PKIG: variants seen among roughly 807,000 people sequenced by gnomAD.
PKIG encodes the protein cAMP-dependent protein kinase inhibitor gamma.
Under a neutral mutation model 6.8 loss-of-function variants are expected in PKIG, and 1 was observed. That is an observed-to-expected ratio of 0.15 (90% confidence interval 0.05 to 0.69). The LOEUF (loss-of-function observed/expected upper bound fraction) is 0.69. Ranked by LOEUF, PKIG falls within the 30% of genes least tolerant of loss-of-function variation. The pLI, the probability that PKIG is intolerant of heterozygous loss-of-function variation, is 0.82. For synonymous variants in PKIG, 39 were observed against 43.0 expected (o/e 0.91, Z 0.36); for missense variants, 77 against 104.0 (o/e 0.74, Z 1.13).
intron 1 of PKIG, among the ~76,000 whole-genome samples, chr20:44,583,462 C>T (rs1299785142): frequency 6.6e-6 from 1 of 151,710 alleles, no homozygotes; most frequent in Non-Finnish European, 1.5e-5. Flanking sequence ...AAGAGGGGGC[C>T]CTTGCTGTAC....
At chr20:44,568,495 C>T (rs1362888642) in intron 1 of PKIG, among the ~76,000 whole-genome samples, 2 of 151,290 alleles carry the variant, frequency 1.3e-5, no homozygotes, top group Non-Finnish European at 2.9e-5. Flanking sequence ...GAGACAAAGT[C>T]TTACTCTGTC....
At chr20:44,536,397 G>T (rs945783433) in intron 1 of PKIG, among the ~76,000 whole-genome samples, 5 of 152,124 alleles carry the variant, frequency 3.3e-5, no homozygotes, top group African/African-American at 1.2e-4. Context: ...AAATGAGGAA[G>T]TATCTTCTTT....
At chr20:44,556,332 C>T (rs1355160336) in intron 1 of PKIG, among the ~76,000 whole-genome samples, 1 of 152,112 alleles carries the variant, frequency 6.6e-6, no homozygotes, top group African/African-American at 2.4e-5. Context: ...ATAATAGTGT[C>T]TTTTGGCTAA....
intron 1 of PKIG, among the ~76,000 whole-genome samples, chr20:44,557,352 C>G (rs2064721675): frequency 6.6e-6 from 1 of 151,900 alleles, no homozygotes. Flanking sequence ...CGTGGTGGAA[C>G]CTCGTCTCCA....
At chr20:44,587,389 C>G (rs2064998709) in intron 1 of PKIG, among the ~76,000 whole-genome samples, 1 of 152,116 alleles carries the variant, frequency 6.6e-6, no homozygotes, top group Non-Finnish European at 1.5e-5. Context: ...GAGAGCTGCC[C>G]CTGCTGAAGC....
chr20:44,576,273 T>C (rs1220852033), intron 1 of PKIG, among the ~76,000 whole-genome samples: 2 of 151,842 alleles, frequency 1.3e-5, no homozygotes, highest in Non-Finnish European at 2.9e-5. Flanking sequence ...ATGTATTCAG[T>C]GAACCAAGGA....
rs1007771003 is a variant in PKIG at position 44,544,986 on chromosome 20, A to T, written c.-241+13008A>T. ...AATCTTGCTCTGTGGCCTGAGCTGGAGTACGGTGGCACAATCTTGGTTCAC... is the reference window on the plus strand; with the variant it reads ...AATCTTGCTCTGTGGCCTGAGCTGGTGTACGGTGGCACAATCTTGGTTCAC... On this transcript the variant is annotated intron_variant, in intron 1 of 4. Transcript: ENST00000372887. Among the ~76,000 whole-genome samples the T allele has an allele frequency of 1.2e-4, 14 of 115,900 alleles. No homozygotes were observed. In the Admixed American group the frequency reaches 1.5e-3, roughly 13 times the overall value. The allele number at this position is 115,900 out of a possible 152,430, so 76.0% of individuals were successfully genotyped here. A position where few individuals can be genotyped will look rare whatever the true frequency, so the allele number is the denominator to read the frequency against.
intron 2 of PKIG, among the ~76,000 whole-genome samples, chr20:44,593,364 A>AACAC (rs55947972): frequency 0.014 from 1,809 of 132,518 alleles, 23 homozygotes; most frequent in Non-Finnish European, 0.02. Context: ...TATAATAATC[A>AACAC]ACACACACAC....
chr20:44,585,134 T>C (rs574851526), intron 1 of PKIG: 1 of 152,460 alleles, frequency 6.6e-6, no homozygotes, highest in Non-Finnish European at 1.5e-5. Flanking sequence ...GGAAGGAAGG[T>C]ACCTAGACTT....
At chr20:44,602,709 T>A (rs2065131774) in intron 2 of PKIG, among the ~76,000 whole-genome samples, 1 of 151,352 alleles carries the variant, frequency 6.6e-6, no homozygotes, top group African/African-American at 2.4e-5. Flanking sequence ...GGTATGTTGG[T>A]TCATGCCTGT....
chr20:44,580,935 A>T (rs973888089), upstream of PKIG, among the ~76,000 whole-genome samples: 1 of 152,170 alleles, frequency 6.6e-6, no homozygotes, highest in African/African-American at 2.4e-5. Context: ...TGAGGGAGTT[A>T]GTTGAAGCCC....
chr20:44,613,817 C>T (rs2065240332), intron 2 of PKIG, among the ~76,000 whole-genome samples: 1 of 152,212 alleles, frequency 6.6e-6, no homozygotes, highest in African/African-American at 2.4e-5. Context: ...ACTTCATGGC[C>T]TTGCCTAAAG....
intron 1 of PKIG, among the ~76,000 whole-genome samples, chr20:44,573,660 A>G: frequency 6.6e-6 from 1 of 152,242 alleles, no homozygotes; most frequent in Non-Finnish European, 1.5e-5. Flanking sequence ...ACCTCAAGCA[A>G]GTGGCTAATG....
At chr20:44,543,243 A>T (rs1237903825) in intron 1 of PKIG, among the ~76,000 whole-genome samples, 1 of 152,150 alleles carries the variant, frequency 6.6e-6, no homozygotes, top group Admixed American at 6.5e-5. Context: ...GGCAGATAGA[A>T]CTTAACATGT....
At chr20:44,610,695 A>G (rs2065210598) in intron 2 of PKIG, among the ~76,000 whole-genome samples, 1 of 152,222 alleles carries the variant, frequency 6.6e-6, no homozygotes, top group African/African-American at 2.4e-5. Context: ...ACAAAGAACC[A>G]CAGTTGACAG....
intron 1 of PKIG, among the ~76,000 whole-genome samples, chr20:44,541,203 A>G (rs2064558593): frequency 6.6e-6 from 1 of 152,214 alleles, no homozygotes; most frequent in Admixed American, 6.5e-5. Flanking sequence ...ATCGGCAATG[A>G]AGGACTAGGA....
chr20:44,554,657 G>C (rs927885890), intron 1 of PKIG, among the ~76,000 whole-genome samples: 1 of 151,812 alleles, frequency 6.6e-6, no homozygotes, highest in Admixed American at 6.6e-5. Flanking sequence ...TCCAGCTTGG[G>C]GGCAAAAAAC....
chr20:44,563,477 T>C (rs1156380769), intron 1 of PKIG, among the ~76,000 whole-genome samples: 1 of 152,086 alleles, frequency 6.6e-6, no homozygotes, highest in Non-Finnish European at 1.5e-5. Context: ...GGAAGACTCA[T>C]AGGAGGGCTT....
intron 3 of PKIG, among the ~76,000 whole-genome samples, chr20:44,616,831 C>T (rs565787798): frequency 1.1e-4 from 17 of 152,308 alleles, no homozygotes; most frequent in African/African-American, 9.6e-5. Flanking sequence ...GAGTTCCAGG[C>T]GCCACCCCGC....
Sources: gnomAD v4.1 joint callset for allele counts (sites outside exome capture counted in the v4.1 genomes callset) on GRCh38, gnomAD v4.1.1 for gene constraint, MANE v1.5 for transcripts, NCBI Gene and HGNC (gene_info 2026-07-23, HGNC 2026-07-21) for gene names.